Variants in HSP90AA1 observed in about 807,000 individuals in gnomAD.
HSP90AA1 encodes heat shock protein HSP 90-alpha.
Under a neutral mutation model 73.3 loss-of-function variants are expected in HSP90AA1, and 18 were observed. The ratio of observed to expected loss-of-function variants is 0.25; its 90% CI spans 0.17 to 0.36. The LOEUF is 0.36. Ranked by LOEUF, HSP90AA1 falls within the 10% of genes least tolerant of loss-of-function variation. HSP90AA1 has a pLI of 1.00. For missense variants in HSP90AA1, 704 were observed against 874.2 expected (o/e 0.81, Z 2.45); for synonymous variants, 477 against 296.9 (o/e 1.61, Z -6.24).
In HSP90AA1 at chr14:102,081,611, G is replaced by C; in HGVS notation, c.*101C>G. On this transcript the variant is annotated 3_prime_UTR_variant, in exon 11 of 11. Coordinates refer to ENST00000216281, the MANE Select transcript of HSP90AA1 (RefSeq NM_005348.4). ...CTTAAAGTAGTTGTCATGCCATACA[G>C]ACTTTTTAATATTAACAAAAATAAA... 1.3e-6 allele frequency: 1 copy of C among 745,554 alleles called. No individual in the cohort carries two copies. The highest frequency in any genetic ancestry group is 2.5e-6 in the Non-Finnish European group (1 of 403,710). 46.2% of individuals were successfully genotyped at this position (745,554 alleles called of 1,614,324 possible).
chr14:102,097,094 T>C (rs1198915536), intron 2 of HSP90AA1, among the ~76,000 whole-genome samples: 1 of 152,052 alleles, frequency 6.6e-6, no homozygotes, highest in Non-Finnish European at 1.5e-5. Context: ...TTCAAGTGAT[T>C]CTCTGCCTCA....
rs34767631 is a variant in HSP90AA1, at chr14:102,080,990, CACTA to C, written c.*718_*721del. 0.022 allele frequency: 5,098 copies of C among 227,030 alleles called. 101 individuals are homozygous for C. The highest frequency in any genetic ancestry group is 0.1 in the South Asian group (546 of 5,478). 14.1% of individuals were successfully genotyped at this position (227,030 alleles called of 1,614,324 possible). A position where few individuals can be genotyped will look rare whatever the true frequency, so the allele number is the denominator to read the frequency against. ...TAGCGCCTCATGTTTTACATTTTGG[CACTA>C]ACTGTCATCCAGATACTCCCCTTTC... On this transcript the variant is annotated 3_prime_UTR_variant, in exon 11 of 11. Coordinates refer to ENST00000216281, the MANE Select transcript of HSP90AA1 (RefSeq NM_005348.4).
intron 1 of HSP90AA1, among the ~76,000 whole-genome samples, chr14:102,134,997 G>C (rs2049966201): frequency 6.7e-6 from 1 of 149,666 alleles, no homozygotes; most frequent in South Asian, 2.1e-4. Flanking sequence ...CATCAGATTA[G>C]TTAGATACAG....
intron 1 of HSP90AA1, among the ~76,000 whole-genome samples, chr14:102,125,661 G>C (rs1180160725): frequency 6.6e-6 from 1 of 150,436 alleles, no homozygotes; most frequent in African/African-American, 2.5e-5. Context: ...TAACCTCAGG[G>C]GGAAGGTATA....
chr14:102,117,137 G>A (rs993846541), intron 1 of HSP90AA1, among the ~76,000 whole-genome samples: 2 of 152,158 alleles, frequency 1.3e-5, no homozygotes, highest in Admixed American at 6.5e-5. Context: ...TGGGAGAGAC[G>A]CCAAGGGGGG....
chr14:102,137,185 G>A (rs1273052292), intron 1 of HSP90AA1, among the ~76,000 whole-genome samples: 4 of 151,172 alleles, frequency 2.6e-5, no homozygotes, highest in Non-Finnish European at 5.9e-5. Flanking sequence ...AGCCTGCGGA[G>A]AGCTGAGACT....
rs1566719418 is a variant in HSP90AA1, at chr14:102,084,384, C to T, written c.1147+15G>A. The T allele has an allele frequency of 4.4e-6, 7 of 1,608,428 alleles. No homozygotes were observed. The highest frequency in any genetic ancestry group is 2.2e-5 in the South Asian group (2 of 90,942). ...TTAATCAGTGACAGTGATTATTTTT[C>T]CTATCTATACTTACTCAGATATTCA... On this transcript the variant is annotated intron_variant, in intron 6 of 10. Transcript: ENST00000216281.
At position 102,085,988 on chromosome 14, in the gene HSP90AA1, T is replaced by C. The variant is rs1221767662; in HGVS notation, c.299A>G (p.Lys100Arg). ...ACCAAGGTTATTGATCAAGTCAGCC[T>C]TGGTCATTCCAATTCCAGTATCCAC... ...TIVDTGIGMTKADLINNLGTI... is the reference protein window; with the variant it reads ...TIVDTGIGMTRADLINNLGTI... The change falls in exon 3 of 11, where the codon AAG (lysine) becomes AGG (arginine). Residue 100 changes from lysine to arginine, a missense_variant. By Grantham distance (26) the Lys-to-Arg change is conservative (BLOSUM62 2). Coordinates refer to ENST00000216281, the MANE Select transcript of HSP90AA1 (RefSeq NM_005348.4). 2.5e-6 allele frequency: 4 copies of C among 1,613,898 alleles called. No homozygotes were observed. The highest frequency in any genetic ancestry group is 3.4e-6 in the Non-Finnish European group (4 of 1,179,876).
At chr14:102,086,590 A>AGGCCCG (rs1400929116) in intron 1 of HSP90AA1, among the ~76,000 whole-genome samples, 1 of 151,850 alleles carries the variant, frequency 6.6e-6, no homozygotes, top group Non-Finnish European at 1.5e-5. Flanking sequence ...AGGCCGCCGC[A>AGGCCCG]GGCCCGGGCC....
intron 1 of HSP90AA1, among the ~76,000 whole-genome samples, chr14:102,129,970 TTTTG>T (rs1290855600): frequency 1.3e-5 from 2 of 151,974 alleles, no homozygotes; most frequent in Non-Finnish European, 1.5e-5. Flanking sequence ...GAAATTTTTT[TTTTG>T]TTTTGTTTTG....
chr14:102,083,422 C>T, intron 8 of HSP90AA1, 120 bp from the exon 9 acceptor site: 1 of 1,417,894 alleles, frequency 7.1e-7, no homozygotes, highest in Non-Finnish European at 9.9e-7. Flanking sequence ...TGACCTAGTT[C>T]ATGTTAATTA....
At position 102,083,128 on chromosome 14, in the gene HSP90AA1, T is replaced by C; in HGVS notation, c.1661A>G (p.Asp554Gly). The C allele has an allele frequency of 6.2e-7, 1 of 1,613,990 alleles. No individual in the cohort carries two copies. Among genetic ancestry groups the C allele is most frequent in the South Asian group, 1.1e-5 (1 of 91,076 alleles). ...TTCCTGCTTCTTTTTCTCTTCTTCA[T>C]CCTCTGGAAGTTCCAGGCCTTCTTT... ...VTKEGLELPE[D>G]EEEKKKQEEK... The change falls in exon 9 of 11, where the codon GAT becomes GGT. Residue 554 changes from aspartate (D) to glycine (G), a missense_variant. Coordinates refer to ENST00000216281, the MANE Select transcript of HSP90AA1 (RefSeq NM_005348.4).
chr14:102,112,580 G>C (rs919819695), intron 1 of HSP90AA1, among the ~76,000 whole-genome samples: 16 of 152,224 alleles, frequency 1.1e-4, no homozygotes, highest in African/African-American at 3.9e-4. Flanking sequence ...CTGGGCTCAA[G>C]AGATCCTCCC....
At position 102,083,671 on chromosome 14, in the gene HSP90AA1, TGA is replaced by T. The variant is rs1566718754; in HGVS notation, c.1359_1360del (p.Gln454LysfsTer18). 3.1e-6 allele frequency: 5 copies of T among 1,613,534 alleles called. No homozygotes were observed. Among genetic ancestry groups the T allele is most frequent in the Non-Finnish European group, 3.4e-6 (4 of 1,179,782 alleles). On this transcript the variant is annotated frameshift_variant, in exon 8 of 11. Transcript: ENST00000216281. LOFTEE classifies it high-confidence loss of function. ...CAGCTCTGAAAGCTTCTTCCGATTT[TGA>T]GAGTCTTCGTGTATTCCAAGCTGAA...
chr14:102,101,896 T>C (rs763197748), exon 2 of HSP90AA1: 10 of 1,613,834 alleles, frequency 6.2e-6, no homozygotes, highest in Non-Finnish European at 8.5e-6. Context: ...GCAATATAAA[T>C]GGCTGCAGAT....
chr14:102,139,524 G>A, exon 1 of HSP90AA1: 1 of 1,073,586 alleles, frequency 9.3e-7, no homozygotes, highest in Non-Finnish European at 1.3e-6. Flanking sequence ...GACCGCTGAG[G>A]AGGCACCCTC....
chr14:102,082,628 A>T lies in HSP90AA1; in HGVS notation c.1756-184T>A, dbSNP rs572429515. On this transcript the variant is annotated intron_variant, in intron 9 of 10. Transcript: ENST00000216281. ...TATAATTTCATGTTTTACATGCACA[A>T]TTTTTTTTTTGAGATAGAGTCTCGC... The T allele has an allele frequency of 1.9e-3, 1,102 of 566,644 alleles. 3 individuals carry two copies. Among genetic ancestry groups the T allele is most frequent in the Non-Finnish European group, 2.7e-3 (878 of 322,278 alleles). The allele number at this position is 566,644 out of a possible 1,614,324, so 35.1% of individuals were successfully genotyped here.
upstream of HSP90AA1, chr14:102,087,050 G>A (rs556338621): frequency 3.8e-4 from 370 of 985,336 alleles, 2 homozygotes; most frequent in South Asian, 0.015. Flanking sequence ...CAACTGACGC[G>A]CCACCCCCGC....
intron 1 of HSP90AA1, among the ~76,000 whole-genome samples, chr14:102,086,603 G>A (rs1198804108): frequency 6.6e-6 from 1 of 151,840 alleles, no homozygotes; most frequent in Non-Finnish European, 1.5e-5. Context: ...CCCGGGCCCA[G>A]TCCCCCGCCG....
Sources: gnomAD v4.1 joint callset for allele counts (sites outside exome capture counted in the v4.1 genomes callset) on GRCh38, gnomAD v4.1.1 for gene constraint, MANE v1.5 for transcripts, NCBI Gene and HGNC (gene_info 2026-07-23, HGNC 2026-07-21) for gene names.